The following FRYL variants were observed in gnomAD, a reference collection of about 807,000 sequenced individuals.
FRYL encodes the protein protein furry homolog-like.
FRYL carries 150 observed loss-of-function variants against 351.2 expected under a neutral mutation model. The observed-to-expected ratio is 0.43, with a 90% CI of 0.37 to 0.49. FRYL has a LOEUF of 0.49. Among genes scored for constraint, FRYL ranks in the 20% least tolerant of loss-of-function variants. FRYL has a pLI of 0.00. For missense variants in FRYL, 3,036 were observed against 3,619.3 expected, an observed-to-expected ratio of 0.84 and a Z score of 4.13; for synonymous variants, 1,153 against 1,257.1, an observed-to-expected ratio of 0.92 and a Z score of 1.75.
At chr4:48,659,353 C>A (rs1268003157) in intron 3 of FRYL, among the ~76,000 whole-genome samples, 2 of 134,318 alleles carry the variant, frequency 1.5e-5, no homozygotes, top group Non-Finnish European at 3.1e-5. Context: ...ACTCTTGTCT[C>A]AAAACAAAAA....
At chr4:48,658,584 CAAAAAAAA>C (rs11388062) in intron 3 of FRYL, among the ~76,000 whole-genome samples, 7 of 95,894 alleles carry the variant, frequency 7.3e-5, no homozygotes, top group Non-Finnish European at 1.2e-4. Context: ...CAAAAAAATA[CAAAAAAAA>C]AAAAAAAAAA....
At chr4:48,766,944 G>A (rs1775010375) in intron 1 of FRYL, among the ~76,000 whole-genome samples, 1 of 148,422 alleles carries the variant, frequency 6.7e-6, no homozygotes, top group Admixed American at 6.7e-5. Context: ...GAATTTTGAT[G>A]TTAAAAAACA....
intron 1 of FRYL, among the ~76,000 whole-genome samples, chr4:48,758,591 G>A (rs771099037): frequency 2.0e-4 from 30 of 152,342 alleles, no homozygotes; most frequent in Non-Finnish European, 3.4e-4. Flanking sequence ...ACAGGTGCTG[G>A]AGAGGATGTG....
intron 1 of FRYL, among the ~76,000 whole-genome samples, chr4:48,737,748 C>T (rs1457513570): frequency 3.9e-5 from 6 of 152,196 alleles, no homozygotes; most frequent in Admixed American, 1.3e-4. Context: ...CTAAACCTAA[C>T]GATGTAACAG....
chr4:48,576,200 C>T lies in FRYL; in HGVS notation c.2551G>A (p.Val851Ile). The T allele has an allele frequency of 6.2e-7, 1 of 1,606,226 alleles. No individual in the cohort carries two copies. Among genetic ancestry groups the T allele is most frequent in the South Asian group, 1.1e-5 (1 of 89,780 alleles). ...DINSPINAKK[V>I]NTTTSSDSYI... ...GAGTCACTGCTTGTGGTGGTATTTA[C>T]TTTCTTAGCATTGATGGGGCTACTA... is the stretch of plus-strand genomic sequence containing the variant. The change falls in exon 24 of 64, where the codon GTA becomes ATA. Residue 851 changes from valine (V) to isoleucine (I), a missense_variant. This residue lies in a region of FRYL where 492 missense variants were observed against 551.5 expected (regional missense o/e 0.89). Transcript: ENST00000358350.
chr4:48,525,128 T>C (rs1452335658), intron 53 of FRYL, among the ~76,000 whole-genome samples: 1 of 149,040 alleles, frequency 6.7e-6, no homozygotes, highest in Admixed American at 6.6e-5. Flanking sequence ...AGCATAGAGT[T>C]TGGATGCATA....
At chr4:48,672,543 A>C (rs1335452176) in intron 3 of FRYL, among the ~76,000 whole-genome samples, 1 of 152,254 alleles carries the variant, frequency 6.6e-6, no homozygotes, top group Non-Finnish European at 1.5e-5. Context: ...AGGAAAAAGA[A>C]GTCCTGACCT....
chr4:48,602,135 G>T lies in FRYL; in HGVS notation c.934-14C>A. 2 of 1,290,216 alleles carry T rather than the reference G, an allele frequency of 1.6e-6. No homozygotes were observed. The highest frequency in any genetic ancestry group is 2.2e-6 in the Non-Finnish European group (2 of 892,338). The allele number at this position is 1,290,216 out of a possible 1,614,324, so 79.9% of individuals were successfully genotyped here. A position where few individuals can be genotyped will look rare whatever the true frequency, so the allele number is the denominator to read the frequency against. The stretch of plus-strand genomic sequence containing the variant: ...TGGATATAAAGCCTATAGGAGACGG[G>T]GAAAAGACAGAATTAACATTTTTCA... On this transcript the variant is annotated splice_polypyrimidine_tract_variant and intron_variant, in intron 12 of 63. Coordinates refer to ENST00000358350, the MANE Select transcript of FRYL (RefSeq NM_015030.2).
chr4:48,728,265 C>A (rs1179503043), intron 1 of FRYL, among the ~76,000 whole-genome samples: 3 of 151,198 alleles, frequency 2.0e-5, no homozygotes, highest in Non-Finnish European at 4.4e-5. Flanking sequence ...GATGACATAG[C>A]AAAAAATATA....
intron 1 of FRYL, among the ~76,000 whole-genome samples, chr4:48,773,318 A>G (rs1775705470): frequency 6.6e-6 from 1 of 152,224 alleles, no homozygotes; most frequent in African/African-American, 2.4e-5. Flanking sequence ...CCAAGTCACT[A>G]GCAATATGCA....
At chr4:48,749,333 C>G (rs1773013876) in intron 1 of FRYL, among the ~76,000 whole-genome samples, 1 of 152,208 alleles carries the variant, frequency 6.6e-6, no homozygotes, top group Admixed American at 6.5e-5. Context: ...TTCAGTTTAA[C>G]CCAGCTATCA....
chr4:48,572,444 C>T (rs1738542482), intron 26 of FRYL, among the ~76,000 whole-genome samples: 1 of 152,198 alleles, frequency 6.6e-6, no homozygotes, highest in Non-Finnish European at 1.5e-5. Flanking sequence ...TTTGCAATTT[C>T]AAAATTCTTT....
intron 1 of FRYL, among the ~76,000 whole-genome samples, chr4:48,773,226 G>A (rs982962648): frequency 1.1e-4 from 17 of 152,064 alleles, no homozygotes; most frequent in Non-Finnish European, 2.4e-4. Flanking sequence ...ATTATAAGAC[G>A]CAAGATAAAG....
At chr4:48,619,640 G>GTC (rs1750251376) in intron 6 of FRYL, among the ~76,000 whole-genome samples, 1 of 152,018 alleles carries the variant, frequency 6.6e-6, no homozygotes. Flanking sequence ...CAAGTAGCTA[G>GTC]ACTACAGGCA....
chr4:48,564,360 A>T (rs575133107), intron 30 of FRYL, among the ~76,000 whole-genome samples: 3 of 152,358 alleles, frequency 2.0e-5, no homozygotes, highest in Admixed American at 2.0e-4. Context: ...GAAGGCAGTT[A>T]ATGAATATGA....
At chr4:48,563,843 C>A in intron 31 of FRYL, 105 bp downstream of exon 31, 3 of 1,241,620 alleles carry the variant, frequency 2.4e-6, no homozygotes, top group East Asian at 2.5e-5. Flanking sequence ...CCCACAGATA[C>A]TGAAGGACAA....
intron 49 of FRYL, among the ~76,000 whole-genome samples, chr4:48,533,733 T>A (rs1403039713): frequency 2.0e-5 from 3 of 152,182 alleles, no homozygotes; most frequent in African/African-American, 7.2e-5. Flanking sequence ...AAGGTGAAAT[T>A]CAGCAAAGAC....
intron 3 of FRYL, among the ~76,000 whole-genome samples, chr4:48,679,080 T>C (rs535305200): frequency 6.6e-6 from 1 of 152,262 alleles, no homozygotes; most frequent in Non-Finnish European, 1.5e-5. Context: ...TTCAAGTAAC[T>C]GCACATATTA....
intron 1 of FRYL, among the ~76,000 whole-genome samples, chr4:48,742,228 T>C (rs1205822248): frequency 6.6e-6 from 1 of 152,240 alleles, no homozygotes; most frequent in Non-Finnish European, 1.5e-5. Context: ...CTTTATATGT[T>C]GTGCACCTTT....
Sources: gnomAD v4.1 joint callset for allele counts (sites outside exome capture counted in the v4.1 genomes callset) on GRCh38, gnomAD v4.1.1 for gene constraint, gnomAD v4.1.1 regional missense constraint, MANE v1.5 for transcripts, NCBI Gene and HGNC (gene_info 2026-07-23, HGNC 2026-07-21) for gene names.